Variants in SERPINB7 observed in about 807,000 individuals in gnomAD.
SERPINB7 encodes the protein serpin B7.
In SERPINB7, 31 loss-of-function variants were observed where a neutral mutation model predicts 37.4. That is an observed-to-expected ratio of 0.83 (90% confidence interval 0.62 to 1.12). The LOEUF (loss-of-function observed/expected upper bound fraction) is 1.12, where lower values mean the gene tolerates loss of function less well. Ranked by LOEUF, SERPINB7 falls within the 50% of genes most tolerant of loss-of-function variation. The probability of loss-of-function intolerance (pLI) is 0.00; values close to 1 mark genes in which losing one functional copy is unlikely to be tolerated. For synonymous variants in SERPINB7, 163 were observed against 166.1 expected, an observed-to-expected ratio of 0.98 and a Z score of 0.14; for missense variants, 521 against 455.3, an observed-to-expected ratio of 1.14 and a Z score of -1.31.
At chr18:63,787,899 T>C (rs934820600) in intron 2 of SERPINB7, among the ~76,000 whole-genome samples, 1 of 152,216 alleles carries the variant, frequency 6.6e-6, no homozygotes, top group Admixed American at 6.5e-5. Flanking sequence ...ACTGAGGTAT[T>C]ACTATTGTCT....
chr18:63,794,409 C>T (rs1173001654), intron 4 of SERPINB7, among the ~76,000 whole-genome samples: 2 of 151,970 alleles, frequency 1.3e-5, no homozygotes, highest in Non-Finnish European at 2.9e-5. Flanking sequence ...CTTAAAACTA[C>T]TCTTTGTGCG....
chr18:63,798,704 C>A lies in SERPINB7; in HGVS notation c.555C>A (p.Phe185Leu). Residue 185 changes from phenylalanine (F) to leucine (L), a missense_variant, in exon 6 of 8, where the codon TTC becomes TTA. By Grantham distance (22) the Phe-to-Leu change is conservative. Coordinates refer to ENST00000398019, the MANE Select transcript of SERPINB7 (RefSeq NM_003784.4). ...TCAAAGGCAAGTGGCAATCAGCCTTCACCAAGAGCGAAACCATAAATTGCC... is the reference window on the plus strand; with the variant it reads ...TCAAAGGCAAGTGGCAATCAGCCTTAACCAAGAGCGAAACCATAAATTGCC... ...VYFKGKWQSAFTKSETINCHF... is the reference protein window; with the variant it reads ...VYFKGKWQSALTKSETINCHF... 6.2e-7 allele frequency: 1 copy of A among 1,613,338 alleles called. No homozygotes were observed. The highest frequency in any genetic ancestry group is 8.5e-7 in the Non-Finnish European group (1 of 1,179,690).
At chr18:63,775,794 A>T (rs1310804401) in intron 1 of SERPINB7, 78 bp downstream of exon 1, 1 of 152,148 alleles carries the variant, frequency 6.6e-6, no homozygotes, top group East Asian at 1.9e-4. Flanking sequence ...GCAAGAGGTA[A>T]GTTCACTAAC....
intron 2 of SERPINB7, among the ~76,000 whole-genome samples, chr18:63,790,688 C>T (rs1701634): frequency 0.17 from 26,142 of 151,942 alleles, 3,544 homozygotes; most frequent in East Asian, 0.5. Flanking sequence ...GGGGAAGCTC[C>T]ACATGTTGAA....
In SERPINB7 at chr18:63,792,132, G is replaced by A. The variant is rs1720844; in HGVS notation, c.169-261G>A. On this transcript the variant is annotated intron_variant, in intron 2 of 7. Transcript: ENST00000398019. ...ATCACCATAGCATTTATGTAAATTG[G>A]CACAAATTCCAAAATCCTAGTAAAC... Among the ~76,000 whole-genome samples the A allele has an allele frequency of 0.6, 91,680 of 151,982 alleles. 28,806 individuals carry two copies. Among genetic ancestry groups the A allele is most frequent in the African/African-American group, 0.77 (32,095 of 41,476 alleles).
Position 63,782,495 on chromosome 18 carries a change from G to A in SERPINB7, c.123G>A (p.Leu41=). Residue 41 remains leucine, a synonymous_variant, in exon 2 of 8, where the codon CTG becomes CTA. Transcript: ENST00000398019. ...SSLSLFAALA[L]VRLGAQDDSL... is the part of the protein sequence containing the mutation. ...TGAGCCTCTTCGCTGCCCTGGCCCTGGTCCGCTTGGGCGCTCAAGATGACT... is the reference window on the plus strand; with the variant it reads ...TGAGCCTCTTCGCTGCCCTGGCCCTAGTCCGCTTGGGCGCTCAAGATGACT... 1 of 1,613,816 alleles carries A rather than the reference G, an allele frequency of 6.2e-7. No homozygotes were observed. Among genetic ancestry groups the A allele is most frequent in the Non-Finnish European group, 8.5e-7 (1 of 1,179,832 alleles).
chr18:63,770,159 A>T (rs1480571361), intron 1 of SERPINB7, among the ~76,000 whole-genome samples: 1 of 150,522 alleles, frequency 6.6e-6, no homozygotes, highest in Non-Finnish European at 1.5e-5. Context: ...CTCTTGTGGC[A>T]TCTGCTTGTA....
intron 1 of SERPINB7, among the ~76,000 whole-genome samples, chr18:63,762,333 G>A (rs902557763): frequency 6.6e-6 from 1 of 152,184 alleles, no homozygotes; most frequent in Non-Finnish European, 1.5e-5. Flanking sequence ...TTAATGTGCA[G>A]GCTGGTCTCT....
At chr18:63,799,665 A>G (rs1434438216) in intron 6 of SERPINB7, among the ~76,000 whole-genome samples, 3 of 152,180 alleles carry the variant, frequency 2.0e-5, no homozygotes, top group Admixed American at 6.5e-5. Flanking sequence ...CATCCTGTCT[A>G]TCACATCCCA....
chr18:63,767,849 A>G (rs1172926584), intron 1 of SERPINB7, among the ~76,000 whole-genome samples: 1 of 152,108 alleles, frequency 6.6e-6, no homozygotes, highest in African/African-American at 2.4e-5. Context: ...TTTGATAGGT[A>G]TAGAACTATT....
At chr18:63,762,456 G>C (rs975615314) in intron 1 of SERPINB7, among the ~76,000 whole-genome samples, 1 of 152,116 alleles carries the variant, frequency 6.6e-6, no homozygotes, top group East Asian at 1.9e-4. Flanking sequence ...TACAGATTAC[G>C]TGCATTGGTA....
chr18:63,783,448 G>C (rs925312729), intron 2 of SERPINB7, among the ~76,000 whole-genome samples: 3 of 152,150 alleles, frequency 2.0e-5, no homozygotes, highest in African/African-American at 7.2e-5. Flanking sequence ...AGAGTTAGAA[G>C]GAGATTCCAA....
At chr18:63,769,908 C>G (rs888669473) in intron 1 of SERPINB7, among the ~76,000 whole-genome samples, 4 of 151,580 alleles carry the variant, frequency 2.6e-5, no homozygotes, top group African/African-American at 9.7e-5. Context: ...TACACTTTTG[C>G]TAGTGTCTAC....
At chr18:63,774,335 C>G (rs772862868), upstream of SERPINB7, among the ~76,000 whole-genome samples, 11 of 151,976 alleles carry the variant, frequency 7.2e-5, no homozygotes, top group Non-Finnish European at 1.6e-4. Context: ...GATGATGGTA[C>G]CTTCTAATTC....
At chr18:63,804,045 G>T (rs1034708600) in intron 7 of SERPINB7, among the ~76,000 whole-genome samples, 192 bp from the exon 8 acceptor site, 4 of 152,002 alleles carry the variant, frequency 2.6e-5, no homozygotes, top group Non-Finnish European at 5.9e-5. Context: ...ATTAAACATG[G>T]GATTTGTTTA....
chr18:63,764,364 A>G (rs1291678197), intron 1 of SERPINB7, among the ~76,000 whole-genome samples: 3 of 152,200 alleles, frequency 2.0e-5, no homozygotes. Context: ...AAATAAACAT[A>G]TGAGTGACAA....
At chr18:63,793,690 A>G (rs2049453807) in intron 4 of SERPINB7, among the ~76,000 whole-genome samples, 2 of 152,096 alleles carry the variant, frequency 1.3e-5, no homozygotes, top group Admixed American at 1.3e-4. Context: ...TTGTTGAGAA[A>G]GGGTCTCTCT....
At chr18:63,793,409 T>C (rs1474677605) in intron 4 of SERPINB7, 132 bp downstream of exon 4, 4 of 477,338 alleles carry the variant, frequency 8.4e-6, no homozygotes, top group Non-Finnish European at 1.5e-5. Flanking sequence ...TGTTCTCAGA[T>C]GTCTTGAATA....
At chr18:63,758,103 C>T (rs1373050661) in intron 1 of SERPINB7, among the ~76,000 whole-genome samples, 1 of 152,210 alleles carries the variant, frequency 6.6e-6, no homozygotes, top group Non-Finnish European at 1.5e-5. Context: ...CTCTTTCTCT[C>T]TCTAAAGTAC....
Sources: allele counts gnomAD v4.1 joint callset (sites outside exome capture counted in the v4.1 genomes callset), GRCh38; gene constraint gnomAD v4.1.1; transcripts MANE v1.5; gene names NCBI Gene and HGNC (gene_info 2026-07-23, HGNC 2026-07-21).